The following DTNA variants were observed in gnomAD, a reference collection of about 807,000 sequenced individuals.
DTNA encodes the protein dystrobrevin alpha.
In DTNA, 43 loss-of-function variants were observed where a neutral mutation model predicts 100.7. That is an observed-to-expected ratio of 0.43 (90% confidence interval 0.33 to 0.55). The LOEUF (loss-of-function observed/expected upper bound fraction) is 0.55, where lower values mean the gene tolerates loss of function less well. Ranked by LOEUF, DTNA falls within the 20% of genes least tolerant of loss-of-function variation. The probability of loss-of-function intolerance (pLI) is 0.04; values close to 1 mark genes in which losing one functional copy is unlikely to be tolerated. For synonymous variants in DTNA, 349 were observed against 347.9 expected, an observed-to-expected ratio of 1.00 and a Z score of -0.04; for missense variants, 798 against 953.9, an observed-to-expected ratio of 0.84 and a Z score of 2.15.
At chr18:34,742,451 C>T (rs1443554546) in intron 1 of DTNA, among the ~76,000 whole-genome samples, 1 of 152,098 alleles carries the variant, frequency 6.6e-6, no homozygotes, top group African/African-American at 2.4e-5. Flanking sequence ...CCTCCATCTT[C>T]GAATCCTCTC....
At chr18:34,735,382 C>T (rs1347421736) in intron 1 of DTNA, among the ~76,000 whole-genome samples, 1 of 152,184 alleles carries the variant, frequency 6.6e-6, no homozygotes, top group Non-Finnish European at 1.5e-5. Context: ...TCCTTCAATC[C>T]AATCAAGTTG....
intron 17 of DTNA, chr18:34,868,068 G>GA (rs1353763456): frequency 1.1e-6 from 1 of 936,228 alleles, no homozygotes; most frequent in East Asian, 1.2e-4. Context: ...AATTGAAATA[G>GA]AAAAATCAAA....
intron 1 of DTNA, among the ~76,000 whole-genome samples, chr18:34,614,698 G>A (rs185733587): frequency 2.6e-4 from 39 of 152,330 alleles, no homozygotes; most frequent in African/African-American, 7.7e-4. Flanking sequence ...GAACTGCTGC[G>A]ATCTTTTGAT....
intron 1 of DTNA, among the ~76,000 whole-genome samples, chr18:34,507,723 T>C (rs2040629466): frequency 1.3e-5 from 2 of 152,166 alleles, no homozygotes; most frequent in South Asian, 4.1e-4. Context: ...TGAAACTCTT[T>C]GTTAATGCAA....
intron 1 of DTNA, among the ~76,000 whole-genome samples, chr18:34,677,011 G>T (rs2077477173): frequency 6.6e-6 from 1 of 152,186 alleles, no homozygotes; most frequent in African/African-American, 2.4e-5. Context: ...AGAGTAGAAA[G>T]AATTGAGGGT....
At chr18:34,576,757 C>T (rs1373009205) in intron 1 of DTNA, among the ~76,000 whole-genome samples, 1 of 152,116 alleles carries the variant, frequency 6.6e-6, no homozygotes, top group Non-Finnish European at 1.5e-5. Flanking sequence ...CCATGCCCAG[C>T]CGTAAATTGG....
chr18:34,685,026 T>G (rs556327779), intron 1 of DTNA, among the ~76,000 whole-genome samples: 3 of 152,198 alleles, frequency 2.0e-5, no homozygotes, highest in Non-Finnish European at 4.4e-5. Context: ...TTAAGTTCCT[T>G]GTAGATTCTG....
chr18:34,655,213 C>A (rs2074197395), intron 1 of DTNA, among the ~76,000 whole-genome samples: 1 of 152,150 alleles, frequency 6.6e-6, no homozygotes, highest in South Asian at 2.1e-4. Context: ...CCACACTCTG[C>A]CTACCTACTC....
chr18:34,686,942 T>C (rs1267110226), intron 1 of DTNA, among the ~76,000 whole-genome samples: 1 of 152,202 alleles, frequency 6.6e-6, no homozygotes, highest in Admixed American at 6.5e-5. Context: ...GAGGTGTTTA[T>C]AGTATTCTCT....
At chr18:34,669,285 C>T (rs2076400270) in intron 1 of DTNA, among the ~76,000 whole-genome samples, 2 of 152,096 alleles carry the variant, frequency 1.3e-5, no homozygotes, top group South Asian at 4.1e-4. Flanking sequence ...CTTGGTAGAT[C>T]TTCCTCCGTC....
chr18:34,590,443 A>G (rs16965579), intron 1 of DTNA, among the ~76,000 whole-genome samples: 15,662 of 152,194 alleles, frequency 0.1, 1,167 homozygotes, highest in African/African-American at 0.21. Context: ...GCCTGTCCTA[A>G]TCCCTTAAGG....
intron 21 of DTNA, among the ~76,000 whole-genome samples, chr18:34,884,422 C>T (rs1040028803): frequency 2.0e-5 from 3 of 152,212 alleles, no homozygotes; most frequent in African/African-American, 7.2e-5. Flanking sequence ...TAAGCTCCCT[C>T]TCCCTCTCCT....
At chr18:34,571,361 T>C (rs1362824808) in intron 1 of DTNA, among the ~76,000 whole-genome samples, 6 of 152,150 alleles carry the variant, frequency 3.9e-5, no homozygotes, top group Non-Finnish European at 7.3e-5. Flanking sequence ...TTTTGCCAAC[T>C]CTCATACTGT....
At chr18:34,829,021 G>A in intron 10 of DTNA, 1 of 1,614,014 alleles carries the variant, frequency 6.2e-7, no homozygotes, top group Admixed American at 1.7e-5. Flanking sequence ...CTTACTGAAG[G>A]TCATTTTATA....
At position 34,890,520 on chromosome 18, in the gene DTNA, C is replaced by T; in HGVS notation, c.*2786C>T. The T allele has an allele frequency of 6.6e-7, 1 of 1,524,266 alleles. No individual in the cohort carries two copies. Among genetic ancestry groups the T allele is most frequent in the Non-Finnish European group, 8.8e-7 (1 of 1,138,528 alleles). 94.4% of individuals were successfully genotyped at this position (1,524,266 alleles called of 1,614,324 possible). ...CGGGGGTTGTTTCTTTCTTGTTCCACAATGAATTGCACATCCATCTCCATC... is the reference window on the plus strand; with the variant it reads ...CGGGGGTTGTTTCTTTCTTGTTCCATAATGAATTGCACATCCATCTCCATC... On this transcript the variant is annotated 3_prime_UTR_variant, in exon 23 of 23. Transcript: ENST00000444659.
At chr18:34,619,630 G>A (rs1037410247) in intron 1 of DTNA, among the ~76,000 whole-genome samples, 3 of 152,106 alleles carry the variant, frequency 2.0e-5, no homozygotes, top group Admixed American at 2.0e-4. Context: ...AGAATGGATG[G>A]TAATGTCATC....
intron 1 of DTNA, among the ~76,000 whole-genome samples, chr18:34,572,481 C>G (rs537020871): frequency 6.6e-6 from 1 of 152,202 alleles, no homozygotes; most frequent in African/African-American, 2.4e-5. Flanking sequence ...ATATTATTAT[C>G]ATCTTTTTGC....
intron 3 of DTNA, among the ~76,000 whole-genome samples, chr18:34,784,808 A>G (rs1331683701): frequency 6.6e-6 from 1 of 152,166 alleles, no homozygotes; most frequent in Non-Finnish European, 1.5e-5. Context: ...CTTTGAAACT[A>G]TTATGGAATC....
intron 15 of DTNA, among the ~76,000 whole-genome samples, chr18:34,857,776 CCTT>C (rs2096570798): frequency 6.6e-6 from 1 of 151,948 alleles, no homozygotes; most frequent in Non-Finnish European, 1.5e-5. Context: ...ATGAGAAGTC[CCTT>C]CTTGGTGAGA....
Sources: gnomAD v4.1 joint callset for allele counts (sites outside exome capture counted in the v4.1 genomes callset) on GRCh38, gnomAD v4.1.1 for gene constraint, MANE v1.5 for transcripts, NCBI Gene and HGNC (gene_info 2026-07-23, HGNC 2026-07-21) for gene names.